NCKAP5: variants seen among roughly 807,000 people sequenced by gnomAD.
NCKAP5 encodes NCK associated protein 5.
NCKAP5 carries 92 observed loss-of-function variants against 167.0 expected under a neutral mutation model. The observed-to-expected ratio is 0.55, with a 90% CI of 0.47 to 0.66. The LOEUF is 0.66. NCKAP5 is among the 30% of genes least tolerant of loss of function. The pLI, the probability that NCKAP5 is intolerant of heterozygous loss-of-function variation, is 0.00. For missense variants in NCKAP5, 2,378 were observed against 2,315.0 expected (o/e 1.03, Z -0.56); for synonymous variants, 891 against 877.4 (o/e 1.02, Z -0.27).
chr2:133,180,070 T>C (rs1434410394), intron 5 of NCKAP5, among the ~76,000 whole-genome samples: 1 of 151,696 alleles, frequency 6.6e-6, no homozygotes, highest in Non-Finnish European at 1.5e-5. Flanking sequence ...ACAAAGGAAG[T>C]CTTGAAAGCA....
At chr2:133,637,769 T>G in the NCKAP5 span, among the ~76,000 whole-genome samples, 1 of 152,064 alleles carries the variant, frequency 6.6e-6, no homozygotes. Context: ...AAAGAAAATT[T>G]AACATACATG....
intron 4 of NCKAP5, among the ~76,000 whole-genome samples, chr2:133,282,498 G>A (rs1021260173): frequency 2.0e-5 from 3 of 152,144 alleles, no homozygotes; most frequent in South Asian, 2.1e-4. Flanking sequence ...TATTTTTAAC[G>A]GGAATTGGAA....
chr2:132,980,547 C>A (rs1191860331), intron 7 of NCKAP5, among the ~76,000 whole-genome samples: 1 of 152,130 alleles, frequency 6.6e-6, no homozygotes, highest in Non-Finnish European at 1.5e-5. Flanking sequence ...CAAGTCCACT[C>A]CCAGCCTGAC....
Position 132,916,301 on chromosome 2 carries a change from G to A in NCKAP5, c.580-37385C>T, listed in dbSNP as rs546766420. Among the ~76,000 whole-genome samples, 56 of 152,196 alleles carry A rather than the reference G, an allele frequency of 3.7e-4. 1 individual carries two copies. Among genetic ancestry groups the A allele is most frequent in the East Asian group, 7.7e-4 (4 of 5,166 alleles). The stretch of plus-strand genomic sequence containing the variant: ...TTTATGATCGAATGTGACAGAGGGC[G>A]TTAGCTGGATGAGTAACTGGGACTC... On this transcript the variant is annotated intron_variant, in intron 8 of 19. Transcript: ENST00000409261.
intron 11 of NCKAP5, among the ~76,000 whole-genome samples, chr2:132,796,938 A>G (rs1323473463): frequency 6.6e-6 from 1 of 152,236 alleles, no homozygotes; most frequent in Non-Finnish European, 1.5e-5. Flanking sequence ...AACAATAGTG[A>G]TGCTTTTACA....
chr2:133,450,142 C>T (rs945234316), intron 3 of NCKAP5, among the ~76,000 whole-genome samples: 1 of 143,738 alleles, frequency 7.0e-6, no homozygotes, highest in Non-Finnish European at 1.5e-5. Context: ...CACGCGCGTG[C>T]GTGCGTGCAC....
chr2:133,429,022 C>T (rs1293901274), intron 3 of NCKAP5, among the ~76,000 whole-genome samples: 1 of 152,024 alleles, frequency 6.6e-6, no homozygotes, highest in Admixed American at 6.6e-5. Flanking sequence ...GGAATCTCTC[C>T]TGTGAAAATA....
chr2:133,143,792 G>C (rs1197734763), intron 5 of NCKAP5, among the ~76,000 whole-genome samples: 1 of 151,456 alleles, frequency 6.6e-6, no homozygotes, highest in African/African-American at 2.4e-5. Flanking sequence ...ATACTAGACA[G>C]TTGGCACTAT....
rs566569009 is a variant in NCKAP5, at chr2:133,230,572, ACTT to A, written c.144-16796_144-16794del. ...TGGTCACCCTGAGAGCTTTTTGCAA[ACTT>A]CTTCTCTTCAATGCTCCCTTCTTGA... On this transcript the variant is annotated intron_variant, in intron 4 of 19. Coordinates refer to ENST00000409261, the MANE Select transcript of NCKAP5 (RefSeq NM_207363.3). Among the ~76,000 whole-genome samples the A allele has an allele frequency of 4.4e-3, 669 of 152,198 alleles. 5 individuals are homozygous for A. Among genetic ancestry groups the A allele is most frequent in the African/African-American group, 0.015 (635 of 41,524 alleles).
At chr2:132,932,883 ATCAACACTTTAGGCAAATCTT>A (rs1466743256) in intron 8 of NCKAP5, among the ~76,000 whole-genome samples, 2 of 151,180 alleles carry the variant, frequency 1.3e-5, no homozygotes, top group Non-Finnish European at 2.9e-5. Context: ...GTAGTTCAAT[ATCAACACTTTAGGCAAATCTT>A]TCCTGATTAT....
At chr2:133,506,853 C>T (rs777572722) in intron 3 of NCKAP5, among the ~76,000 whole-genome samples, 4 of 152,180 alleles carry the variant, frequency 2.6e-5, no homozygotes, top group Non-Finnish European at 4.4e-5. Context: ...AACAATATTA[C>T]TGATTTTGTC....
In NCKAP5 at chr2:132,868,985, T is replaced by C. The variant is rs1413275373; in HGVS notation, c.649-11A>G. ...AACTTGGTTGGCTACCTTTAAAAAA[T>C]AAAGAAAAAGTTGTCATTTATAATA... On this transcript the variant is annotated splice_polypyrimidine_tract_variant and intron_variant, in intron 9 of 19. Transcript: ENST00000409261. The C allele has an allele frequency of 3.9e-6, 6 of 1,531,310 alleles. No homozygotes were observed. Among genetic ancestry groups the C allele is most frequent in the Admixed American group, 2.1e-5 (1 of 48,104 alleles). The allele number at this position is 1,531,310 out of a possible 1,614,324, so 94.9% of individuals were successfully genotyped here.
At chr2:133,593,699 A>G in the NCKAP5 span, among the ~76,000 whole-genome samples, 104 of 152,316 alleles carry the variant, frequency 6.8e-4, no homozygotes, top group African/African-American at 2.4e-3. Context: ...AGGTTTATCT[A>G]TGTATGACGG....
In NCKAP5 at chr2:133,313,519, A is replaced by G. The variant is rs370962255; in HGVS notation, c.70-10409T>C. 4.6e-5 allele frequency among the ~76,000 whole-genome samples: 7 copies of G among 152,310 alleles called. 1 individual carries two copies. Among genetic ancestry groups the G allele is most frequent in the African/African-American group, 1.7e-4 (7 of 41,584 alleles). Reference sequence around the variant, plus strand: ...CTTATTTTTCAGCAAAATAGTAACTATTGTATTTCTCAGCAGCCTGTACTA... The same window carrying G: ...CTTATTTTTCAGCAAAATAGTAACTGTTGTATTTCTCAGCAGCCTGTACTA... On this transcript the variant is annotated intron_variant, in intron 3 of 19. Transcript: ENST00000409261.
At chr2:133,287,213 CATT>C (rs1292359697) in intron 4 of NCKAP5, among the ~76,000 whole-genome samples, 1 of 152,188 alleles carries the variant, frequency 6.6e-6, no homozygotes, top group Non-Finnish European at 1.5e-5. Context: ...TTCCTCACAT[CATT>C]ATTAATTCAG....
intron 2 of NCKAP5, among the ~76,000 whole-genome samples, chr2:133,555,826 C>A (rs1687702412): frequency 6.6e-6 from 1 of 152,138 alleles, no homozygotes; most frequent in Non-Finnish European, 1.5e-5. Flanking sequence ...CATGTGCCAG[C>A]ATATTCATAA....
intron 11 of NCKAP5, among the ~76,000 whole-genome samples, chr2:132,841,556 T>C (rs1441841009): frequency 6.6e-6 from 1 of 152,120 alleles, no homozygotes; most frequent in Non-Finnish European, 1.5e-5. Flanking sequence ...TTCAACATAT[T>C]GTAGGATAAT....
intron 5 of NCKAP5, among the ~76,000 whole-genome samples, chr2:133,177,151 G>A (rs1230489730): frequency 9.8e-6 from 1 of 102,228 alleles, no homozygotes; most frequent in African/African-American, 4.0e-5. Context: ...AGCGACACAG[G>A]AGGTTTTGTT....
At chr2:133,441,562 T>C (rs1236617226) in intron 3 of NCKAP5, among the ~76,000 whole-genome samples, 2 of 152,206 alleles carry the variant, frequency 1.3e-5, no homozygotes, top group African/African-American at 2.4e-5. Flanking sequence ...TAATCACACA[T>C]CTGTGAATTT....
Sources: gnomAD v4.1 joint callset for allele counts (sites outside exome capture counted in the v4.1 genomes callset) on GRCh38, gnomAD v4.1.1 for gene constraint, MANE v1.5 for transcripts, NCBI Gene and HGNC (gene_info 2026-07-23, HGNC 2026-07-21) for gene names.